Variants in DCAF6 observed in about 807,000 individuals in gnomAD.
The protein encoded by DCAF6 is DDB1 and CUL4 associated factor 6, also known as DDB1- and CUL4-associated factor 6.
In DCAF6, 54 loss-of-function variants were observed where a neutral mutation model predicts 125.1. The ratio of observed to expected loss-of-function variants is 0.43; its 90% CI spans 0.35 to 0.54. DCAF6 has a LOEUF of 0.54. DCAF6 is among the 20% of genes least tolerant of loss of function. DCAF6 has a pLI of 0.01. For synonymous variants in DCAF6, 371 were observed against 390.4 expected, an observed-to-expected ratio of 0.95 and a Z score of 0.58; for missense variants, 934 against 1,161.7, an observed-to-expected ratio of 0.80 and a Z score of 2.85.
chr1:168,035,729 T>C (rs1572036571), intron 12 of DCAF6, among the ~76,000 whole-genome samples: 1 of 152,222 alleles, frequency 6.6e-6, no homozygotes, highest in Non-Finnish European at 1.5e-5. Context: ...ATATTTGACA[T>C]GTTTTGTAAT....
chr1:168,033,837 A>G (rs1687456727), intron 12 of DCAF6, among the ~76,000 whole-genome samples: 1 of 152,228 alleles, frequency 6.6e-6, no homozygotes, highest in African/African-American at 2.4e-5. Flanking sequence ...TTACTGAGCA[A>G]TATAGAATCG....
chr1:168,072,156 G>A (rs961478380), intron 21 of DCAF6, among the ~76,000 whole-genome samples: 4 of 151,632 alleles, frequency 2.6e-5, no homozygotes, highest in Non-Finnish European at 5.9e-5. Flanking sequence ...AATTAGCTGG[G>A]TGTGGTGGCG....
intron 4 of DCAF6, among the ~76,000 whole-genome samples, chr1:167,984,580 A>G (rs1032385346): frequency 2.0e-5 from 3 of 152,234 alleles, no homozygotes; most frequent in Non-Finnish European, 4.4e-5. Context: ...TCAATAAATT[A>G]CATAAATATT....
At chr1:167,905,395 G>C in the DCAF6 span, among the ~76,000 whole-genome samples, 1 of 152,202 alleles carries the variant, frequency 6.6e-6, no homozygotes, top group Admixed American at 6.5e-5. Flanking sequence ...TGTTGCATAA[G>C]TGAGCTCCAT....
the DCAF6 span, among the ~76,000 whole-genome samples, chr1:167,876,699 A>G: frequency 6.6e-6 from 1 of 152,204 alleles, no homozygotes; most frequent in Non-Finnish European, 1.5e-5. Flanking sequence ...CTGGGTTTGC[A>G]TAGTAAACTG....
At chr1:168,040,321 C>T (rs760447088) in intron 13 of DCAF6, among the ~76,000 whole-genome samples, 1 of 151,848 alleles carries the variant, frequency 6.6e-6, no homozygotes, top group Non-Finnish European at 1.5e-5. Context: ...TAGATAAGGT[C>T]AGCCAGGAAA....
chr1:167,916,620 G>A, the DCAF6 span: 1 of 152,208 alleles, frequency 6.6e-6, no homozygotes, highest in East Asian at 1.9e-4. Flanking sequence ...CAAGAAAGGA[G>A]GACTGCCTAT....
At chr1:167,899,671 A>G in the DCAF6 span, 2 of 1,589,974 alleles carry the variant, frequency 1.3e-6, no homozygotes, top group South Asian at 2.2e-5. Flanking sequence ...GAAGTTCTGG[A>G]TTATTTCCCA....
chr1:168,036,051 G>A (rs1383899158), intron 12 of DCAF6, among the ~76,000 whole-genome samples: 1 of 152,048 alleles, frequency 6.6e-6, no homozygotes, highest in East Asian at 1.9e-4. Flanking sequence ...AACAAAAAGA[G>A]CCTCCATCTC....
intron 10 of DCAF6, among the ~76,000 whole-genome samples, chr1:168,005,776 T>C (rs1363890272): frequency 2.0e-5 from 3 of 152,270 alleles, no homozygotes; most frequent in East Asian, 1.9e-4. Flanking sequence ...TATACCACTT[T>C]TAGTAATTCA....
intron 10 of DCAF6, among the ~76,000 whole-genome samples, chr1:168,009,567 C>G (rs1315617607): frequency 6.7e-6 from 1 of 149,056 alleles, no homozygotes; most frequent in African/African-American, 2.5e-5. Flanking sequence ...TTTCTCCTTT[C>G]CCATCTTTCT....
At chr1:168,025,444 TGA>T (rs987032246) in intron 12 of DCAF6, among the ~76,000 whole-genome samples, 1 of 152,184 alleles carries the variant, frequency 6.6e-6, no homozygotes, top group Non-Finnish European at 1.5e-5. Flanking sequence ...AGGTTAGTAT[TGA>T]GTGGCTTTGG....
chr1:168,025,130 A>C (rs1686176399), intron 12 of DCAF6, among the ~76,000 whole-genome samples: 1 of 152,198 alleles, frequency 6.6e-6, no homozygotes, highest in African/African-American at 2.4e-5. Flanking sequence ...ATAATATATC[A>C]CTATCAGAGA....
intron 21 of DCAF6, among the ~76,000 whole-genome samples, chr1:168,072,293 CTA>C (rs1693162614): frequency 1.0e-4 from 3 of 28,616 alleles, no homozygotes; most frequent in Admixed American, 1.4e-3. Flanking sequence ...GAGAATCAGT[CTA>C]AAAAAAAAAA....
chr1:167,902,795 G>T, the DCAF6 span, among the ~76,000 whole-genome samples: 18 of 152,194 alleles, frequency 1.2e-4, no homozygotes, highest in African/African-American at 4.3e-4. Flanking sequence ...AAACAAGATG[G>T]CAGGCAGAGG....
chr1:167,987,705 G>A, intron 5 of DCAF6, 97 bp downstream of exon 5: 3 of 623,772 alleles, frequency 4.8e-6, no homozygotes, highest in Non-Finnish European at 8.3e-6. Context: ...ATAATTAAAA[G>A]TAAGTTATGT....
intron 5 of DCAF6, among the ~76,000 whole-genome samples, chr1:167,987,932 G>A (rs1571821219): frequency 6.6e-6 from 1 of 151,926 alleles, no homozygotes. Flanking sequence ...TTATATAAAT[G>A]TATCTCATTT....
At chr1:168,044,819 G>C in intron 15 of DCAF6, 81 bp from the exon 16 acceptor site, 1 of 1,500,320 alleles carries the variant, frequency 6.7e-7, no homozygotes, top group Non-Finnish European at 9.1e-7. Flanking sequence ...ATTAGAATGT[G>C]TTTGTGAGCT....
At chr1:168,007,962 C>CG (rs1553232179) in intron 10 of DCAF6, among the ~76,000 whole-genome samples, 4 of 67,464 alleles carry the variant, frequency 5.9e-5, no homozygotes, top group Non-Finnish European at 7.2e-5. Flanking sequence ...TGTTGTACAT[C>CG]TTTTTTTTTT....
Sources: gnomAD v4.1 joint callset for allele counts (sites outside exome capture counted in the v4.1 genomes callset) on GRCh38, gnomAD v4.1.1 for gene constraint, MANE v1.5 for transcripts, NCBI Gene and HGNC (gene_info 2026-07-23, HGNC 2026-07-21) for gene names.